The following ZNF365 variants were observed in gnomAD, a reference collection of about 807,000 sequenced individuals.
The protein encoded by ZNF365 is zinc finger protein 365.
A neutral mutation model predicts 35.0 loss-of-function variants in ZNF365; 22 were observed. The ratio of observed to expected loss-of-function variants is 0.63; its 90% CI spans 0.45 to 0.90. ZNF365 has a LOEUF of 0.90. Ranked by LOEUF, ZNF365 falls within the 40% of genes least tolerant of loss-of-function variation. ZNF365 has a pLI of 0.00. For synonymous variants in ZNF365, 188 were observed against 196.2 expected (o/e 0.96, Z 0.35); for missense variants, 448 against 500.3 (o/e 0.90, Z 1.00).
chr10:62,416,808 G>T (rs946219157), intron 3 of ZNF365, among the ~76,000 whole-genome samples: 8 of 152,068 alleles, frequency 5.3e-5, no homozygotes, highest in African/African-American at 1.9e-4. Context: ...AAATACTCCA[G>T]TGAGCATTTC....
chr10:62,452,082 A>G (rs1005355332), intron 3 of ZNF365, among the ~76,000 whole-genome samples: 2 of 152,236 alleles, frequency 1.3e-5, no homozygotes, highest in African/African-American at 4.8e-5. Flanking sequence ...AGGTCTATCT[A>G]GGAGTTTAAC....
intron 3 of ZNF365, among the ~76,000 whole-genome samples, chr10:62,436,902 C>T (rs1165666812): frequency 1.3e-5 from 2 of 151,428 alleles, no homozygotes; most frequent in Non-Finnish European, 2.9e-5. Context: ...CCGTAAACAA[C>T]GAGTGCTCCA....
chr10:62,423,874 A>C (rs1261659599), intron 3 of ZNF365, among the ~76,000 whole-genome samples: 1 of 152,174 alleles, frequency 6.6e-6, no homozygotes, highest in East Asian at 1.9e-4. Context: ...TAGGTTATTC[A>C]GATTATTAAA....
At chr10:62,411,607 T>C (rs1015829794) in intron 3 of ZNF365, among the ~76,000 whole-genome samples, 3 of 152,128 alleles carry the variant, frequency 2.0e-5, no homozygotes, top group African/African-American at 7.2e-5. Flanking sequence ...GTCTTATTTC[T>C]GAGTTCTCTA....
At chr10:62,384,343 A>G (rs746164923) in intron 2 of ZNF365, among the ~76,000 whole-genome samples, 3 of 152,104 alleles carry the variant, frequency 2.0e-5, no homozygotes, top group Admixed American at 2.0e-4. Context: ...GCATCATATT[A>G]TTCTTCTTCT....
chr10:62,440,824 G>C (rs1340275067), intron 3 of ZNF365, among the ~76,000 whole-genome samples: 2 of 152,150 alleles, frequency 1.3e-5, no homozygotes, highest in Admixed American at 6.6e-5. Flanking sequence ...GTGAATTACT[G>C]CCTCAGTGCC....
intron 3 of ZNF365, among the ~76,000 whole-genome samples, chr10:62,439,159 C>A (rs1354630676): frequency 6.6e-6 from 1 of 152,078 alleles, no homozygotes; most frequent in Non-Finnish European, 1.5e-5. Flanking sequence ...CTTAGTTTTT[C>A]TCCCTTACTT....
chr10:62,422,649 T>G (rs1840189493), intron 3 of ZNF365, among the ~76,000 whole-genome samples: 1 of 152,176 alleles, frequency 6.6e-6, no homozygotes, highest in African/African-American at 2.4e-5. Context: ...CCATGCTCTA[T>G]TCTGAAAATG....
intron 3 of ZNF365, among the ~76,000 whole-genome samples, chr10:62,408,258 A>T (rs1839933561): frequency 6.6e-6 from 1 of 152,176 alleles, no homozygotes. Context: ...ACTTGAAAAT[A>T]GAAAAACAAG....
At chr10:62,472,668 A>G (rs1841062192) in intron 4 of ZNF365, among the ~76,000 whole-genome samples, 1 of 152,170 alleles carries the variant, frequency 6.6e-6, no homozygotes, top group African/African-American at 2.4e-5. Flanking sequence ...GTGAGACAAT[A>G]CGTTTCTATT....
intron 3 of ZNF365, among the ~76,000 whole-genome samples, chr10:62,446,227 G>A (rs1240101581): frequency 6.6e-6 from 1 of 152,122 alleles, no homozygotes; most frequent in Non-Finnish European, 1.5e-5. Flanking sequence ...CCCTGCTCCT[G>A]TGTGATCTTG....
At chr10:62,406,676 TAGCAAAACAGC>T (rs1839909814), downstream of ZNF365, among the ~76,000 whole-genome samples, 1 of 152,180 alleles carries the variant, frequency 6.6e-6, no homozygotes, top group South Asian at 2.1e-4. Flanking sequence ...GGATTGGAGT[TAGCAAAACAGC>T]AGAGCATTTT....
At chr10:62,397,391 C>G (rs968338581) in intron 3 of ZNF365, among the ~76,000 whole-genome samples, 2 of 152,068 alleles carry the variant, frequency 1.3e-5, no homozygotes, top group African/African-American at 4.8e-5. Flanking sequence ...GGACATATAT[C>G]TTGGCCACAC....
At chr10:62,433,175 G>A (rs1589451632) in intron 3 of ZNF365, among the ~76,000 whole-genome samples, 1 of 152,242 alleles carries the variant, frequency 6.6e-6, no homozygotes, top group Non-Finnish European at 1.5e-5. Flanking sequence ...CTGAGGTAAA[G>A]GAAAGGCTAC....
intron 3 of ZNF365, among the ~76,000 whole-genome samples, chr10:62,420,083 C>T (rs1688671330): frequency 6.6e-6 from 1 of 152,020 alleles, no homozygotes; most frequent in African/African-American, 2.4e-5. Flanking sequence ...TATTTTATAA[C>T]ATTAAATAAA....
rs531251473 is a variant in ZNF365 at position 62,447,955 on chromosome 10, G to A, written c.925-11786G>A. Among the ~76,000 whole-genome samples, 3 of 152,242 alleles carry A rather than the reference G, an allele frequency of 2.0e-5. No homozygotes were observed. The South Asian group carries it at 6.2e-4, about 32-fold the overall frequency. On this transcript the variant is annotated intron_variant, in intron 3 of 4. Transcript: ENST00000395255. Reference sequence around the variant, plus strand: ...ATTCCTGCCCCTAACCTTTTATTATGAAAATTTTCAAACATCACAAAGTTG... The same window carrying A: ...ATTCCTGCCCCTAACCTTTTATTATAAAAATTTTCAAACATCACAAAGTTG...
chr10:62,403,514 C>T (rs888312841), downstream of ZNF365, among the ~76,000 whole-genome samples: 32 of 152,228 alleles, frequency 2.1e-4, no homozygotes, highest in Admixed American at 8.5e-4. Context: ...AAAAATTAGC[C>T]GGGCGCAGTG....
At chr10:62,384,500 T>C (rs1564568331) in intron 2 of ZNF365, among the ~76,000 whole-genome samples, 1 of 152,260 alleles carries the variant, frequency 6.6e-6, no homozygotes, top group Non-Finnish European at 1.5e-5. Context: ...AAAAATAATT[T>C]AGTGAAAAGA....
At chr10:62,461,701 C>G (rs1840850551) in intron 4 of ZNF365, among the ~76,000 whole-genome samples, 1 of 152,046 alleles carries the variant, frequency 6.6e-6, no homozygotes, top group South Asian at 2.1e-4. Context: ...ATGACAATCG[C>G]GGACTTCAAT....
Sources: allele counts gnomAD v4.1 joint callset (sites outside exome capture counted in the v4.1 genomes callset), GRCh38; gene constraint gnomAD v4.1.1; transcripts MANE v1.5; gene names NCBI Gene and HGNC (gene_info 2026-07-23, HGNC 2026-07-21).